Variants in RTN4 observed in about 807,000 individuals in gnomAD.
RTN4 encodes the protein reticulon-4.
RTN4 carries 32 observed loss-of-function variants against 90.4 expected under a neutral mutation model. The ratio of observed to expected loss-of-function variants is 0.35; its 90% CI spans 0.27 to 0.48. RTN4 has a LOEUF of 0.48. RTN4 is among the 20% of genes least tolerant of loss of function. The probability of loss-of-function intolerance (pLI) is 0.99; values close to 1 mark genes in which losing one functional copy is unlikely to be tolerated. For synonymous variants in RTN4, 629 were observed against 552.5 expected (o/e 1.14, Z -1.94); for missense variants, 1,706 against 1,430.2 (o/e 1.19, Z -3.11).
upstream of RTN4, among the ~76,000 whole-genome samples, chr2:55,113,441 G>A (rs1456698861): frequency 6.6e-6 from 1 of 152,196 alleles, no homozygotes. Context: ...CACTCATTTA[G>A]CATCCCTGGC....
chr2:55,077,669 G>A (rs572074765), intron 2 of RTN4, among the ~76,000 whole-genome samples: 3 of 151,372 alleles, frequency 2.0e-5, no homozygotes, highest in East Asian at 3.9e-4. Context: ...CTGCACACAC[G>A]TTTATAGCAG....
chr2:55,048,720 A>C (rs2104976684), intron 1 of RTN4, among the ~76,000 whole-genome samples: 1 of 152,256 alleles, frequency 6.6e-6, no homozygotes, highest in African/African-American at 2.4e-5. Flanking sequence ...CTTCTGAAAA[A>C]CAGTATTTCT....
the RTN4 span, among the ~76,000 whole-genome samples, chr2:55,136,516 A>C: frequency 6.6e-6 from 1 of 152,236 alleles, no homozygotes; most frequent in African/African-American, 2.4e-5. Context: ...ACTTTTTAAT[A>C]AACTTTCACT....
Position 55,025,669 on chromosome 2 carries a change from T to C in RTN4, c.2430A>G (p.Thr810=). ...LESFKLSLDN[T]KDTLLPDEVS... ...CTTCATCAGGTAACAGGGTATCTTT[T>C]GTGTTATCTAAACTGAGCTTAAAAG... is the stretch of plus-strand genomic sequence containing the variant. The change falls in exon 3 of 9, where the codon ACA becomes ACG. Residue 810 remains threonine, a synonymous_variant. Coordinates refer to ENST00000337526, the MANE Select transcript of RTN4 (RefSeq NM_020532.5). 6.2e-7 allele frequency: 1 copy of C among 1,613,864 alleles called. No homozygotes were observed.
chr2:55,056,596 G>A (rs1030439594), intron 2 of RTN4: 1 of 151,432 alleles, frequency 6.6e-6, no homozygotes, highest in Admixed American at 6.6e-5. Flanking sequence ...GTGATGGAGT[G>A]TGTCACCCAA....
chr2:55,107,896 T>A (rs1667971723), intron 1 of RTN4, among the ~76,000 whole-genome samples: 1 of 152,126 alleles, frequency 6.6e-6, no homozygotes, highest in Non-Finnish European at 1.5e-5. Flanking sequence ...AACCTCATCA[T>A]GCCTTTAGCT....
intron 1 of RTN4, among the ~76,000 whole-genome samples, chr2:55,095,661 C>A (rs1669017747): frequency 6.6e-6 from 1 of 152,122 alleles, no homozygotes; most frequent in Admixed American, 6.6e-5. Context: ...CCCTGACTCC[C>A]CTAAATAGCT....
the RTN4 span, among the ~76,000 whole-genome samples, chr2:55,120,894 G>C: frequency 6.6e-6 from 1 of 152,156 alleles, no homozygotes; most frequent in African/African-American, 2.4e-5. Context: ...AGCTGCTCCA[G>C]ACATGGCATT....
intron 2 of RTN4, among the ~76,000 whole-genome samples, chr2:55,076,468 T>C (rs1196647621): frequency 7.2e-6 from 1 of 139,514 alleles, no homozygotes; most frequent in Non-Finnish European, 1.5e-5. Context: ...GGCACAATCT[T>C]GGCTCACTGC....
chr2:55,107,066 A>G (rs1265374753), intron 1 of RTN4, among the ~76,000 whole-genome samples: 1 of 152,126 alleles, frequency 6.6e-6, no homozygotes, highest in Non-Finnish European at 1.5e-5. Flanking sequence ...TAAAAACAAA[A>G]TTGGTGACTC....
chr2:54,996,146 C>T (rs2588518), intron 3 of RTN4, among the ~76,000 whole-genome samples: 78,314 of 151,806 alleles, frequency 0.52, 20,590 homozygotes, highest in East Asian at 0.62. Context: ...AGGAATACAG[C>T]GAAAAGAATT....
At position 55,003,649 on chromosome 2, in the gene RTN4, T is replaced by A. The variant is rs143198352; in HGVS notation, c.3014-15951A>T. ...GGGACCAAGTGAATACAGTCAGCCC[T>A]CTATGTCTGCAGGTTCCACATCTGC... On this transcript the variant is annotated intron_variant, in intron 3 of 8. Coordinates refer to ENST00000337526, the MANE Select transcript of RTN4 (RefSeq NM_020532.5). Among the ~76,000 whole-genome samples, 153 of 152,298 alleles carry A rather than the reference T, an allele frequency of 1.0e-3. 2 individuals carry two copies. The highest frequency in any genetic ancestry group is 3.5e-3 in the African/African-American group (146 of 41,556).
In RTN4 at chr2:55,079,111, T is replaced by C. The variant is rs530417838; in HGVS notation, c.-63+1378A>G. On this transcript the variant is annotated intron_variant, in intron 2 of 3. Coordinates refer to the RTN4 transcript ENST00000427710. ...GGAGGTTGTGGTCACAGAGGTTTGG[T>C]GGTGGAATCTAGGATTTGGCAACTG... Among the ~76,000 whole-genome samples, 9 of 152,254 alleles carry C rather than the reference T, an allele frequency of 5.9e-5. No homozygotes were observed. In the South Asian group the frequency reaches 1.5e-3, roughly 25 times the overall value.
Position 54,973,096 on chromosome 2 carries a change from C to G in RTN4, c.*60G>C. On this transcript the variant is annotated 3_prime_UTR_variant, in exon 9 of 9. Transcript: ENST00000337526. The stretch of plus-strand genomic sequence containing the variant: ...GGTTCGTTCTTCCCTGACCCTCCCC[C>G]GTATAATCAAATGAATATCCCCTTT... 1.4e-6 allele frequency: 2 copies of G among 1,410,758 alleles called. No individual in the cohort carries two copies. The highest frequency in any genetic ancestry group is 2.0e-6 in the Non-Finnish European group (2 of 1,003,006). 87.4% of individuals were successfully genotyped at this position (1,410,758 alleles called of 1,614,324 possible).
At position 55,100,829 on chromosome 2, in the gene RTN4, TG is replaced by T. The variant is rs1466241525; in HGVS notation, c.-214+11690del. ...ATTTGTGCTTAAACAAAAATTTACT[TG>T]CTTGTTTTATTCTTTTCTTTCTTTT... On this transcript the variant is annotated intron_variant, in intron 1 of 3. Coordinates refer to the RTN4 transcript ENST00000427710. Among the ~76,000 whole-genome samples the T allele has an allele frequency of 2.6e-5, 4 of 152,068 alleles. No individual in the cohort carries two copies. In the South Asian group the frequency reaches 6.2e-4, roughly 24 times the overall value.
At chr2:54,974,090 G>A (rs568687774) in intron 6 of RTN4, 1 of 466,572 alleles carries the variant, frequency 2.1e-6, no homozygotes, top group Non-Finnish European at 3.8e-6. Context: ...ACCATTTCTA[G>A]CTTCAAATCA....
intron 8 of RTN4, 34 bp from the exon 9 acceptor site, chr2:54,973,232 T>G: frequency 6.4e-7 from 1 of 1,556,994 alleles, no homozygotes; most frequent in Non-Finnish European, 8.8e-7. Context: ...AATATCAGTT[T>G]TGTTTGCTGC....
intron 3 of RTN4, among the ~76,000 whole-genome samples, chr2:55,012,503 CA>C (rs879530444): frequency 1.4e-4 from 22 of 151,918 alleles, no homozygotes; most frequent in Non-Finnish European, 3.1e-4. Flanking sequence ...GCAAGTTAAG[CA>C]AAAAAGTGCT....
chr2:55,092,237 TC>T (rs1558876540), intron 1 of RTN4, among the ~76,000 whole-genome samples: 1 of 150,538 alleles, frequency 6.6e-6, no homozygotes, highest in East Asian at 1.9e-4. Flanking sequence ...TTTTTTCTTT[TC>T]TTTTTTTTTT....
Sources: gnomAD v4.1 joint callset for allele counts (sites outside exome capture counted in the v4.1 genomes callset) on GRCh38, gnomAD v4.1.1 for gene constraint, MANE v1.5 for transcripts, NCBI Gene and HGNC (gene_info 2026-07-23, HGNC 2026-07-21) for gene names.